RALGPS2: variants seen among roughly 807,000 people sequenced by gnomAD.
RALGPS2 encodes the protein ras-specific guanine nucleotide-releasing factor RalGPS2.
A neutral mutation model predicts 86.8 loss-of-function variants in RALGPS2; 43 were observed. The ratio of observed to expected loss-of-function variants is 0.50; its 90% CI spans 0.39 to 0.64. RALGPS2 has a LOEUF of 0.64. Among genes scored for constraint, RALGPS2 ranks in the 30% least tolerant of loss-of-function variants. The pLI is 0.00. For missense variants in RALGPS2, 536 were observed against 694.6 expected (o/e 0.77, Z 2.57); for synonymous variants, 243 against 231.3 (o/e 1.05, Z -0.46).
intron 18 of RALGPS2, 128 bp downstream of exon 18, chr1:178,902,339 C>T (rs1660212662): frequency 3.2e-6 from 2 of 622,734 alleles, no homozygotes; most frequent in South Asian, 2.5e-5. Flanking sequence ...CTTGATGAGC[C>T]AAAACCTAGT....
intron 4 of RALGPS2, among the ~76,000 whole-genome samples, chr1:178,802,039 A>G (rs1178880334): frequency 4.6e-5 from 7 of 152,130 alleles, no homozygotes; most frequent in Non-Finnish European, 4.4e-5. Context: ...TCAGAACTAC[A>G]CTTTACCCTT....
chr1:178,817,149 C>T (rs1266270751), intron 6 of RALGPS2, among the ~76,000 whole-genome samples: 2 of 151,452 alleles, frequency 1.3e-5, no homozygotes, highest in Non-Finnish European at 2.9e-5. Context: ...CACTTGAGGT[C>T]AGGAGTTTGA....
At chr1:178,809,836 C>G (rs1256432356) in intron 5 of RALGPS2, among the ~76,000 whole-genome samples, 2 of 152,144 alleles carry the variant, frequency 1.3e-5, no homozygotes, top group South Asian at 2.1e-4. Flanking sequence ...GTCAGTGTCA[C>G]TTTCACTAAC....
chr1:178,887,870 A>G (rs6425504), intron 13 of RALGPS2, among the ~76,000 whole-genome samples: 150,675 of 152,310 alleles, frequency 0.99, 74,525 homozygotes, highest in Middle Eastern at 1. Context: ...ATTTTGCAAA[A>G]GAAAGAACTT....
chr1:178,827,808 C>T (rs150239680), intron 7 of RALGPS2, among the ~76,000 whole-genome samples: 2,780 of 152,232 alleles, frequency 0.018, 99 homozygotes, highest in African/African-American at 0.062. Context: ...GAAATAAATA[C>T]ACACATTTAC....
intron 8 of RALGPS2, among the ~76,000 whole-genome samples, chr1:178,846,617 C>CT (rs1187029589): frequency 6.6e-6 from 1 of 152,066 alleles, no homozygotes; most frequent in Non-Finnish European, 1.5e-5. Flanking sequence ...AATAAAAGAG[C>CT]TGGGGGTGGG....
At chr1:178,799,499 G>C (rs967161353) in intron 4 of RALGPS2, among the ~76,000 whole-genome samples, 2 of 152,120 alleles carry the variant, frequency 1.3e-5, no homozygotes, top group Non-Finnish European at 2.9e-5. Context: ...GATCAGGACT[G>C]CCCTTACCTA....
intron 6 of RALGPS2, among the ~76,000 whole-genome samples, chr1:178,819,694 A>G (rs1386849046): frequency 6.6e-6 from 1 of 152,160 alleles, no homozygotes; most frequent in African/African-American, 2.4e-5. Context: ...GATGTGTTTC[A>G]TATCTTACCC....
At chr1:178,767,532 G>T (rs1652568993) in intron 1 of RALGPS2, among the ~76,000 whole-genome samples, 2 of 151,996 alleles carry the variant, frequency 1.3e-5, no homozygotes, top group South Asian at 4.2e-4. Context: ...TGGATGTTCT[G>T]ATCCATGGGG....
chr1:178,888,757 A>G (rs1402011527), intron 13 of RALGPS2, among the ~76,000 whole-genome samples: 1 of 152,166 alleles, frequency 6.6e-6, no homozygotes, highest in Admixed American at 6.6e-5. Flanking sequence ...GAAGGGTATT[A>G]ATCCATCGTC....
chr1:178,830,954 AT>A (rs1349148545), intron 7 of RALGPS2, among the ~76,000 whole-genome samples: 2 of 152,214 alleles, frequency 1.3e-5, no homozygotes, highest in East Asian at 3.8e-4. Flanking sequence ...AGAGGAGAGG[AT>A]ACACATAGAA....
intron 8 of RALGPS2, among the ~76,000 whole-genome samples, chr1:178,849,123 T>G (rs1657021862): frequency 6.6e-6 from 1 of 152,238 alleles, no homozygotes; most frequent in African/African-American, 2.4e-5. Flanking sequence ...AACCACGAGC[T>G]AGATATTCTT....
chr1:178,907,980 T>C (rs1660458022), intron 19 of RALGPS2, among the ~76,000 whole-genome samples: 1 of 152,194 alleles, frequency 6.6e-6, no homozygotes. Context: ...TTGTGCAGGT[T>C]TGTTACATGG....
At chr1:178,807,432 A>G (rs1654794601) in intron 4 of RALGPS2, among the ~76,000 whole-genome samples, 1 of 152,246 alleles carries the variant, frequency 6.6e-6, no homozygotes, top group Non-Finnish European at 1.5e-5. Flanking sequence ...TGAAAATATC[A>G]GTGATTTTGA....
intron 1 of RALGPS2, among the ~76,000 whole-genome samples, chr1:178,764,424 C>T (rs1056232401): frequency 1.3e-5 from 2 of 152,128 alleles, no homozygotes; most frequent in East Asian, 1.9e-4. Context: ...TCCAGTTTGC[C>T]ACTCTGTGCC....
At chr1:178,768,727 C>T (rs1273593889) in intron 1 of RALGPS2, among the ~76,000 whole-genome samples, 6 of 152,154 alleles carry the variant, frequency 3.9e-5, no homozygotes, top group African/African-American at 9.7e-5. Context: ...ACCTACGGGT[C>T]CCCCAGTGGC....
intron 1 of RALGPS2, among the ~76,000 whole-genome samples, chr1:178,776,414 C>T (rs976661341): frequency 3.9e-5 from 6 of 152,026 alleles, no homozygotes; most frequent in Admixed American, 6.6e-5. Context: ...TTTTTTCCCT[C>T]GCAATACCCA....
intron 8 of RALGPS2, among the ~76,000 whole-genome samples, chr1:178,866,142 T>C (rs1403654039): frequency 6.6e-6 from 1 of 152,140 alleles, no homozygotes; most frequent in East Asian, 1.9e-4. Flanking sequence ...CCTGATAAGA[T>C]AGCTTTCTTA....
intron 1 of RALGPS2, chr1:178,725,786 CCCAGCGG>C (rs1649950602): frequency 6.6e-6 from 1 of 152,290 alleles, no homozygotes. Context: ...TGTTCTGGCG[CCCAGCGG>C]CGCCTCAGTC....
Sources: gnomAD v4.1 joint callset for allele counts (sites outside exome capture counted in the v4.1 genomes callset) on GRCh38, gnomAD v4.1.1 for gene constraint, MANE v1.5 for transcripts, NCBI Gene and HGNC (gene_info 2026-07-23, HGNC 2026-07-21) for gene names.